Variants in STK33 observed in about 807,000 individuals in gnomAD.
STK33 encodes serine/threonine kinase 33, also known as serine/threonine-protein kinase 33.
Under a neutral mutation model 58.0 loss-of-function variants are expected in STK33, and 52 were observed. The ratio of observed to expected loss-of-function variants is 0.90; its 90% CI spans 0.72 to 1.13. The LOEUF (loss-of-function observed/expected upper bound fraction) is 1.13. STK33 is among the 50% of genes most tolerant of loss of function. The pLI is 0.00. For synonymous variants in STK33, 215 were observed against 200.1 expected (o/e 1.07, Z -0.63); for missense variants, 630 against 604.2 (o/e 1.04, Z -0.45).
chr11:8,524,952 T>C (rs966371241), intron 1 of STK33, among the ~76,000 whole-genome samples: 1 of 152,094 alleles, frequency 6.6e-6, no homozygotes, highest in Non-Finnish European at 1.5e-5. Context: ...TGTACACTTA[T>C]CTCCAAATTT....
intron 14 of STK33, among the ~76,000 whole-genome samples, chr11:8,425,006 A>C (rs1359205194): frequency 1.4e-5 from 2 of 139,426 alleles, no homozygotes; most frequent in African/African-American, 5.5e-5. Context: ...CCCATTTGTC[A>C]ATTTTGGCTT....
chr11:8,517,340 T>C (rs1484446851), intron 1 of STK33, among the ~76,000 whole-genome samples: 2 of 152,082 alleles, frequency 1.3e-5, no homozygotes, highest in South Asian at 2.1e-4. Flanking sequence ...TACGTCACCA[T>C]CACCAAAGAC....
At chr11:8,520,523 G>T (rs1953313787) in intron 1 of STK33, among the ~76,000 whole-genome samples, 1 of 152,130 alleles carries the variant, frequency 6.6e-6, no homozygotes, top group East Asian at 1.9e-4. Context: ...GAAATAAAGG[G>T]TATTCAATTA....
At chr11:8,464,949 A>G in intron 6 of STK33, 127 bp from the exon 7 acceptor site, 1 of 584,272 alleles carries the variant, frequency 1.7e-6, no homozygotes, top group South Asian at 2.6e-5. Flanking sequence ...ATCAAATAGA[A>G]GACACTATAT....
intron 1 of STK33, among the ~76,000 whole-genome samples, chr11:8,588,744 GAAA>G (rs2032124974): frequency 6.6e-6 from 1 of 152,084 alleles, no homozygotes; most frequent in Non-Finnish European, 1.5e-5. Context: ...CAAAATGGAA[GAAA>G]ATATTTGCAA....
chr11:8,479,589 C>T (rs1949616699), intron 2 of STK33, among the ~76,000 whole-genome samples: 1 of 151,994 alleles, frequency 6.6e-6, no homozygotes, highest in Non-Finnish European at 1.5e-5. Flanking sequence ...ACGCCTATAA[C>T]CCCAACACTT....
At chr11:8,489,507 A>C (rs1049685358) in intron 1 of STK33, among the ~76,000 whole-genome samples, 6 of 152,172 alleles carry the variant, frequency 3.9e-5, no homozygotes, top group Non-Finnish European at 8.8e-5. Flanking sequence ...ATATCATCTC[A>C]TGGTGGAAGG....
intron 11 of STK33, among the ~76,000 whole-genome samples, chr11:8,445,972 C>T (rs1945402237): frequency 6.6e-6 from 1 of 152,144 alleles, no homozygotes; most frequent in East Asian, 1.9e-4. Flanking sequence ...CCTCCTTGTA[C>T]CTCTGGTAGA....
In STK33 at chr11:8,466,813, C is replaced by A. The variant is rs576380296; in HGVS notation, c.340-1991G>T. On this transcript the variant is annotated intron_variant, in intron 6 of 15. Transcript: ENST00000687296. ...TGCCCCTGCAGCAAACTACTGCCTG[C>A]GCATCCAGGCGTTTCCATATATCTT... The A allele has an allele frequency of 3.9e-5, 6 of 152,400 alleles. No homozygotes were observed. The South Asian group carries it at 1.2e-3, about 32-fold the overall frequency. 9.4% of individuals were successfully genotyped at this position (152,400 alleles called of 1,614,324 possible).
chr11:8,584,543 C>G (rs1591912525), intron 1 of STK33, among the ~76,000 whole-genome samples: 2 of 152,264 alleles, frequency 1.3e-5, no homozygotes, highest in African/African-American at 4.8e-5. Context: ...TTGGAGCAAG[C>G]CAATCAGTGA....
At chr11:8,482,760 C>T (rs537727895) in intron 1 of STK33, among the ~76,000 whole-genome samples, 17 of 151,824 alleles carry the variant, frequency 1.1e-4, no homozygotes, top group Middle Eastern at 6.8e-3. Flanking sequence ...GACAGAGTCT[C>T]GATCTGTCAC....
At chr11:8,461,755 AT>A (rs759746011) in intron 8 of STK33, 49 bp downstream of exon 8, 1 of 1,407,704 alleles carries the variant, frequency 7.1e-7, no homozygotes, top group South Asian at 1.4e-5. Context: ...AATGATATTC[AT>A]TTTGTAATAA....
intron 1 of STK33, among the ~76,000 whole-genome samples, chr11:8,489,398 G>C (rs1019479281): frequency 9.2e-5 from 14 of 151,788 alleles, no homozygotes; most frequent in Non-Finnish European, 1.6e-4. Flanking sequence ...TGCTATAACA[G>C]AATACCACAG....
chr11:8,571,794 C>T (rs1469600418), intron 1 of STK33, among the ~76,000 whole-genome samples: 1 of 148,326 alleles, frequency 6.7e-6, no homozygotes, highest in Admixed American at 6.7e-5. Context: ...GATCGCGCCA[C>T]TGCACTCCAG....
chr11:8,469,955 A>G (rs1400925704), intron 6 of STK33, among the ~76,000 whole-genome samples: 2 of 152,242 alleles, frequency 1.3e-5, no homozygotes, highest in African/African-American at 4.8e-5. Context: ...TTGTTGTTTT[A>G]TTTAATGAGC....
At chr11:8,540,312 T>A (rs77826505) in intron 1 of STK33, among the ~76,000 whole-genome samples, 8,426 of 149,288 alleles carry the variant, frequency 0.056, 728 homozygotes, top group African/African-American at 0.18. Flanking sequence ...ATAACCCATC[T>A]CTACAAAAAA....
chr11:8,515,675 C>T (rs1952712399), intron 1 of STK33, among the ~76,000 whole-genome samples: 1 of 152,122 alleles, frequency 6.6e-6, no homozygotes, highest in African/African-American at 2.4e-5. Context: ...AAGGATAGTT[C>T]AACACATGAA....
At chr11:8,501,556 T>C (rs930892028) in intron 1 of STK33, among the ~76,000 whole-genome samples, 1 of 152,076 alleles carries the variant, frequency 6.6e-6, no homozygotes, top group South Asian at 2.1e-4. Flanking sequence ...GGAGAGTGTA[T>C]AAAGAGATGT....
At chr11:8,366,346 C>T in the STK33 span, among the ~76,000 whole-genome samples, 2 of 152,348 alleles carry the variant, frequency 1.3e-5, no homozygotes, top group African/African-American at 4.8e-5. Context: ...TTCTTGGTCT[C>T]AGTCTCACTG....
Sources: allele counts gnomAD v4.1 joint callset (sites outside exome capture counted in the v4.1 genomes callset), GRCh38; gene constraint gnomAD v4.1.1; transcripts MANE v1.5; gene names NCBI Gene and HGNC (gene_info 2026-07-23, HGNC 2026-07-21).